PPP1R16A: variants seen among roughly 807,000 people sequenced by gnomAD.
PPP1R16A encodes protein phosphatase 1 regulatory subunit 16A.
In PPP1R16A, 39 loss-of-function variants were observed where a neutral mutation model predicts 46.6. The observed-to-expected ratio is 0.84, with a 90% CI of 0.65 to 1.09. The LOEUF (loss-of-function observed/expected upper bound fraction) is 1.09, where lower values mean the gene tolerates loss of function less well. Ranked by LOEUF, PPP1R16A falls within the 50% of genes least tolerant of loss-of-function variation. PPP1R16A has a pLI of 0.00. For missense variants in PPP1R16A, 798 were observed against 735.6 expected, an observed-to-expected ratio of 1.08 and a Z score of -0.98; for synonymous variants, 413 against 321.5, an observed-to-expected ratio of 1.28 and a Z score of -3.04.
chr8:144,485,944 G>A (rs1424567588), intron 1 of PPP1R16A, among the ~76,000 whole-genome samples: 1 of 152,148 alleles, frequency 6.6e-6, no homozygotes, highest in Non-Finnish European at 1.5e-5. Context: ...CAGGGTGTGG[G>A]CGTTGAGGTC....
chr8:144,492,537 T>C (rs563975796), intron 2 of PPP1R16A, among the ~76,000 whole-genome samples: 1 of 151,952 alleles, frequency 6.6e-6, no homozygotes, highest in Admixed American at 6.6e-5. Flanking sequence ...GGGTTTTACC[T>C]TGTTAGCAAG....
chr8:144,481,920 G>T (rs1825443977), intron 1 of PPP1R16A, among the ~76,000 whole-genome samples: 1 of 152,028 alleles, frequency 6.6e-6, no homozygotes, highest in South Asian at 2.1e-4. Flanking sequence ...TGGGACTACA[G>T]GCGCCTGCCA....
At chr8:144,484,664 C>T (rs529746264) in intron 1 of PPP1R16A, among the ~76,000 whole-genome samples, 9 of 152,290 alleles carry the variant, frequency 5.9e-5, no homozygotes, top group African/African-American at 7.2e-5. Context: ...AGATGCAACG[C>T]TTCCCCTGGT....
chr8:144,498,087 G>A (rs1033477555), intron 3 of PPP1R16A: 9 of 456,134 alleles, frequency 2.0e-5, no homozygotes, highest in South Asian at 7.7e-5. Context: ...GCCTCCCTCC[G>A]GAGCAGAGAG....
chr8:144,497,490 C>T (rs372808775), intron 3 of PPP1R16A, 37 bp downstream of exon 3: 37 of 1,595,096 alleles, frequency 2.3e-5, no homozygotes, highest in South Asian at 2.0e-4. Flanking sequence ...TCCCAGCAGA[C>T]GGCCCACTCC....
Position 144,486,444 on chromosome 8 carries a change from TG to T in PPP1R16A, c.-913-3588del, listed in dbSNP as rs1241305087. On this transcript the variant is annotated intron_variant, in intron 1 of 11. Coordinates refer to ENST00000435887, the MANE Select transcript of PPP1R16A (RefSeq NM_001329443.2). ...TTGGGAGTTGCATGTTGAGCTGTTT[TG>T]GTTTAAGAAACTTCCACACTGCTCT... Among the ~76,000 whole-genome samples, 4 of 152,322 alleles carry T rather than the reference TG, an allele frequency of 2.6e-5. No individual in the cohort carries two copies. The East Asian group carries it at 7.7e-4, about 29-fold the overall frequency.
At chr8:144,489,922 G>A (rs1450293579) in intron 1 of PPP1R16A, 112 bp from the exon 2 acceptor site, 2 of 152,364 alleles carry the variant, frequency 1.3e-5, no homozygotes, top group Admixed American at 1.3e-4. Flanking sequence ...GCCATAGGGA[G>A]CCTTGGCCTG....
At chr8:144,499,112 C>T (rs759237989) in intron 5 of PPP1R16A, 51 bp downstream of exon 5, 37 of 1,528,804 alleles carry the variant, frequency 2.4e-5, no homozygotes, top group Middle Eastern at 4.8e-4. Context: ...CTCAGATGGC[C>T]GCTCAGGAGG....
At chr8:144,491,491 T>C (rs1470520285) in intron 2 of PPP1R16A, among the ~76,000 whole-genome samples, 1 of 151,894 alleles carries the variant, frequency 6.6e-6, no homozygotes, top group African/African-American at 2.4e-5. Flanking sequence ...AGGCCGGGCA[T>C]GCTGGCTCAC....
Position 144,496,622 on chromosome 8 carries a change from C to G in PPP1R16A, c.-573C>G, listed in dbSNP as rs1313073940. ...CCTCCCCCAGCCTCAGCGGCTGCAC[C>G]TCCTCGTTAGTACTGATGCACTGAC... is the stretch of plus-strand genomic sequence containing the variant. On this transcript the variant is annotated 5_prime_UTR_variant, in exon 3 of 12. Transcript: ENST00000435887. 1.2e-5 allele frequency: 2 copies of G among 161,930 alleles called. No homozygotes were observed. The highest frequency in any genetic ancestry group is 3.5e-4 in the East Asian group (2 of 5,726). 10.0% of individuals were successfully genotyped at this position (161,930 alleles called of 1,614,324 possible). A position where few individuals can be genotyped will look rare whatever the true frequency, so the allele number is the denominator to read the frequency against.
chr8:144,501,399 T>A, intron 11 of PPP1R16A, 105 bp downstream of exon 11: 1 of 1,483,098 alleles, frequency 6.7e-7, no homozygotes, highest in East Asian at 2.5e-5. Flanking sequence ...AATGGTGCCC[T>A]GCAGGGGCCA....
Position 144,478,128 on chromosome 8 carries a change from G to A in PPP1R16A, c.-914+1G>A. ...TGCGGCGGTCGGCGCGGGGCGCGAG[G>A]TGAGGCGCGGACTCCCGGGTCCTGC... On this transcript the variant is annotated splice_donor_variant, in intron 1 of 11. Transcript: ENST00000435887. LOFTEE classifies it low-confidence loss of function (5UTR_SPLICE). 1 of 395,076 alleles carries A rather than the reference G, an allele frequency of 2.5e-6. No homozygotes were observed. The highest frequency in any genetic ancestry group is 4.5e-6 in the Non-Finnish European group (1 of 223,686). The allele number at this position is 395,076 out of a possible 1,614,324, so 24.5% of individuals were successfully genotyped here. A position where few individuals can be genotyped will look rare whatever the true frequency, so the allele number is the denominator to read the frequency against.
In PPP1R16A at chr8:144,500,557, G is replaced by A. The variant is rs1826372427; in HGVS notation, c.776G>A (p.Ser259Asn). ...ALLLEHRASL[S>N]AKDQDGWEPL... ...CTGCTGGAACACCGAGCCAGCCTGA[G>A]CGCTAAGGACCAAGACGGCTGGGAG... The change falls in exon 8 of 12, where the codon AGC becomes AAC. Residue 259 changes from serine (S) to asparagine (N), a missense_variant. By Grantham distance (46) the Ser-to-Asn change is conservative. Transcript: ENST00000435887. The A allele has an allele frequency of 6.3e-7, 1 of 1,597,528 alleles. No individual in the cohort carries two copies. Among genetic ancestry groups the A allele is most frequent in the African/African-American group, 1.3e-5 (1 of 74,888 alleles).
rs773480719 is a variant in PPP1R16A at position 144,501,784 on chromosome 8, A to C, written c.1468A>C (p.Thr490Pro). The change falls in exon 12 of 12, where the codon ACG becomes CCG. Residue 490 changes from threonine to proline, a missense_variant. Physicochemically the swap from Thr to Pro is conservative, Grantham distance 38. Transcript: ENST00000435887. ...AGCTGAGCCTGGCCTGCCTGGTGAC[A>C]CGGTGACCCCCCAGCCTGACTGTGG... ...ETAEPGLPGD[T>P]VTPQPDCGFR... is the part of the protein sequence containing the mutation. 6.4e-7 allele frequency: 1 copy of C among 1,561,090 alleles called. No homozygotes were observed. The highest frequency in any genetic ancestry group is 8.7e-7 in the Non-Finnish European group (1 of 1,153,618).
rs73377613 is a variant in PPP1R16A, at chr8:144,480,156, C to A, written c.-914+2029C>A. ...CAAAGGAGCATGCTGTCCTAAGATC[C>A]GGTGGAAGAACTTTCCAGACAGAAG... On this transcript the variant is annotated intron_variant, in intron 1 of 11. Coordinates refer to ENST00000435887, the MANE Select transcript of PPP1R16A (RefSeq NM_001329443.2). Among the ~76,000 whole-genome samples the A allele has an allele frequency of 6.5e-3, 984 of 152,280 alleles. 11 individuals carry two copies. Among genetic ancestry groups the A allele is most frequent in the African/African-American group, 0.021 (883 of 41,542 alleles).
chr8:144,499,057 G>A lies in PPP1R16A; in HGVS notation c.472G>A (p.Ala158Thr), dbSNP rs780371252. Residue 158 changes from alanine (A) to threonine (T), a missense_variant, in exon 5 of 12, where the codon GCC becomes ACC. Ala to Thr is a moderately conservative substitution (Grantham distance 58). Transcript: ENST00000435887. ...CCTGCACCTGGTGGAGCTGCTCATC[G>A]CCAGGTAGGGCCTGTTGGGCGTCCT... Reference protein sequence around the residue: ...GHLHLVELLIASGANLLAVNT... With the variant: ...GHLHLVELLITSGANLLAVNT... 15 of 1,574,272 alleles carry A rather than the reference G, an allele frequency of 9.5e-6. No individual in the cohort carries two copies. The highest frequency in any genetic ancestry group is 4.0e-5 in the African/African-American group (3 of 74,466).
In PPP1R16A at chr8:144,501,852, C is replaced by G; in HGVS notation, c.1536C>G (p.Ala512=). The change falls in exon 12 of 12, where the codon GCC becomes GCG. Residue 512 remains alanine, a synonymous_variant. Coordinates refer to ENST00000435887, the MANE Select transcript of PPP1R16A (RefSeq NM_001329443.2). ...GGDPPLLKLT[A]PAVEAPVERR... ...ACCCACCCCTGCTCAAGCTCACAGC[C>G]CCGGCGGTGGAGGCTCCCGTGGAGA... 6.5e-7 allele frequency: 1 copy of G among 1,547,612 alleles called. No homozygotes were observed. Among genetic ancestry groups the G allele is most frequent in the South Asian group, 1.2e-5 (1 of 84,250 alleles).
In PPP1R16A at chr8:144,501,237, GC is replaced by G. The variant is rs1292592441; in HGVS notation, c.1149del (p.Glu384ArgfsTer32). ...AGCCGCCGCCCACCAGCCCGGAGCC[GC>G]CCGAGGACAACGATGACCGCCAGAC... ...QQPPPTSPEP[P>X]EDNDDRQTGA... On this transcript the variant is annotated frameshift_variant, in exon 11 of 12. Coordinates refer to ENST00000435887, the MANE Select transcript of PPP1R16A (RefSeq NM_001329443.2). LOFTEE classifies it high-confidence loss of function. 6 of 1,605,500 alleles carry G rather than the reference GC, an allele frequency of 3.7e-6. No homozygotes were observed. Among genetic ancestry groups the G allele is most frequent in the Non-Finnish European group, 3.4e-6 (4 of 1,179,008 alleles).
chr8:144,482,224 C>T lies in PPP1R16A; in HGVS notation c.-914+4097C>T, dbSNP rs1277008622. ...AGTAGCTGGGACTGTAGGCATGTACCACCACACCCAGCTAATTTTTGTATT... is the reference window on the plus strand; with the variant it reads ...AGTAGCTGGGACTGTAGGCATGTACTACCACACCCAGCTAATTTTTGTATT... On this transcript the variant is annotated intron_variant, in intron 1 of 11. Transcript: ENST00000435887. Among the ~76,000 whole-genome samples the T allele has an allele frequency of 3.9e-5, 6 of 152,124 alleles. No individual in the cohort carries two copies. In the South Asian group the frequency reaches 1.2e-3, roughly 32 times the overall value.
Sources: allele counts gnomAD v4.1 joint callset (sites outside exome capture counted in the v4.1 genomes callset), GRCh38; gene constraint gnomAD v4.1.1; transcripts MANE v1.5; gene names NCBI Gene and HGNC (gene_info 2026-07-23, HGNC 2026-07-21).